Variants in CARD8 observed in about 807,000 individuals in gnomAD.
CARD8 encodes the protein caspase recruitment domain-containing protein 8.
CARD8 carries 38 observed loss-of-function variants against 53.2 expected under a neutral mutation model. The observed-to-expected ratio is 0.71, with a 90% confidence interval of 0.55 to 0.94. CARD8 has a LOEUF of 0.94. Ranked by LOEUF, CARD8 falls within the 40% of genes least tolerant of loss-of-function variation. The pLI is 0.00. For missense variants in CARD8, 561 were observed against 655.5 expected, an observed-to-expected ratio of 0.86 and a Z score of 1.57; for synonymous variants, 245 against 244.9, an observed-to-expected ratio of 1.00 and a Z score of 0.00.
chr19:48,226,236 T>C (rs570039072), intron 10 of CARD8, among the ~76,000 whole-genome samples: 1 of 152,164 alleles, frequency 6.6e-6, no homozygotes, highest in Non-Finnish European at 1.5e-5. Context: ...ATTTTATTTA[T>C]TGATTTATTT....
chr19:48,208,645 A>G lies in CARD8; in HGVS notation c.*3065T>C, dbSNP rs1968440. The G allele has an allele frequency of 0.81, 123,665 of 151,868 alleles. 51,359 individuals are homozygous for G. The highest frequency in any genetic ancestry group is 0.91 in the South Asian group (4,387 of 4,816). The allele number at this position is 151,868 out of a possible 1,614,324, so 9.4% of individuals were successfully genotyped here. A position where few individuals can be genotyped will look rare whatever the true frequency, so the allele number is the denominator to read the frequency against. ...CAAACACTGAATAACATGTACAGTG[A>G]AATTATCTGACAAAGACTTTAAAAG... On this transcript the variant is annotated 3_prime_UTR_variant, in exon 14 of 14. Transcript: ENST00000651546.
Position 48,232,512 on chromosome 19 carries a change from A to G in CARD8, c.351-19T>C, listed in dbSNP as rs772915116. On this transcript the variant is annotated intron_variant, in intron 6 of 13. Coordinates refer to ENST00000651546, the MANE Select transcript of CARD8 (RefSeq NM_001184900.3). ...TGATACACTGGAGGTTGGGATCCCC[A>G]TGTTACAAAAAGATGAAAAACATCA... 107 of 1,534,002 alleles carry G rather than the reference A, an allele frequency of 7.0e-5. No homozygotes were observed. Among genetic ancestry groups the G allele is most frequent in the Non-Finnish European group, 8.8e-5 (101 of 1,145,062 alleles).
At chr19:48,251,531 T>C (rs1468257524) in intron 1 of CARD8, among the ~76,000 whole-genome samples, 1 of 152,220 alleles carries the variant, frequency 6.6e-6, no homozygotes, top group Admixed American at 6.5e-5. Flanking sequence ...AATTTCACCA[T>C]TTCTGGTCCT....
intron 8 of CARD8, 106 bp downstream of exon 8, chr19:48,231,554 C>G: frequency 8.7e-7 from 1 of 1,146,456 alleles, no homozygotes; most frequent in Non-Finnish European, 1.2e-6. Context: ...CCGCCCTCCT[C>G]CACCTCCCAA....
At chr19:48,254,095 A>C (rs2047279746) in intron 1 of CARD8, among the ~76,000 whole-genome samples, 1 of 152,242 alleles carries the variant, frequency 6.6e-6, no homozygotes, top group African/African-American at 2.4e-5. Flanking sequence ...GAATATATGT[A>C]CAATGAGTTA....
Position 48,221,818 on chromosome 19 carries a change from C to T in CARD8, c.1073G>A (p.Arg358His), listed in dbSNP as rs1490315839. ...DDEEDRFHGV[R>H]LQTSPPMEPL... ...TTCCATTGGGGGCGAAGTCTGCAGG[C>T]GCACACCATGGAAGCGATCTTCCTC... Residue 358 changes from arginine (R) to histidine (H), a missense_variant, in exon 11 of 14, where the codon CGC becomes CAC. Coordinates refer to ENST00000651546, the MANE Select transcript of CARD8 (RefSeq NM_001184900.3). The T allele has an allele frequency of 2.5e-6, 4 of 1,609,446 alleles. No homozygotes were observed. The highest frequency in any genetic ancestry group is 3.4e-6 in the Non-Finnish European group (4 of 1,176,730).
chr19:48,225,351 T>C (rs1941304850), intron 10 of CARD8, among the ~76,000 whole-genome samples: 1 of 151,540 alleles, frequency 6.6e-6, no homozygotes, highest in African/African-American at 2.4e-5. Flanking sequence ...ATTAGTGGGG[T>C]GTGGTGGCGC....
In CARD8 at chr19:48,225,968, G is replaced by C. The variant is rs996717428; in HGVS notation, c.1036-4113C>G. On this transcript the variant is annotated intron_variant, in intron 10 of 13. Transcript: ENST00000651546. Reference sequence around the variant, plus strand: ...CTCAGGAGGCTGAGACAGGAGAATTGTTTGAACCTGGGAGACGGAGGTTGC... The same window carrying C: ...CTCAGGAGGCTGAGACAGGAGAATTCTTTGAACCTGGGAGACGGAGGTTGC... Among the ~76,000 whole-genome samples, 5 of 145,980 alleles carry C rather than the reference G, an allele frequency of 3.4e-5. No individual in the cohort carries two copies. The Admixed American group carries it at 3.5e-4, about 10-fold the overall frequency.
chr19:48,216,500 G>A (rs2039330467), intron 12 of CARD8, among the ~76,000 whole-genome samples: 1 of 152,210 alleles, frequency 6.6e-6, no homozygotes. Flanking sequence ...ATGTGGAGAT[G>A]AGGCCTGGGT....
downstream of CARD8, among the ~76,000 whole-genome samples, chr19:48,205,877 C>T (rs2037325767): frequency 6.6e-6 from 1 of 152,024 alleles, no homozygotes; most frequent in African/African-American, 2.4e-5. Flanking sequence ...GCCGTTTGAG[C>T]ATTGTGCAGT....
intron 6 of CARD8, 186 bp from the exon 7 acceptor site, chr19:48,232,679 A>G (rs1171882680): frequency 1.4e-6 from 1 of 691,006 alleles, no homozygotes; most frequent in Non-Finnish European, 2.6e-6. Flanking sequence ...TGCACTATCC[A>G]TATTTCAAGT....
chr19:48,238,584 G>A, intron 4 of CARD8, 52 bp from the exon 5 acceptor site: 1 of 1,504,094 alleles, frequency 6.6e-7, no homozygotes, highest in Non-Finnish European at 8.9e-7. Flanking sequence ...GGAGCTCGAT[G>A]GTGGGACAAT....
rs187675182 is a variant in CARD8, at chr19:48,231,525, G to A, written c.542+135C>T. 2.3e-4 allele frequency: 194 copies of A among 845,722 alleles called. No individual in the cohort carries two copies. The East Asian group carries it at 4.4e-3, about 19-fold the overall frequency. 52.4% of individuals were successfully genotyped at this position (845,722 alleles called of 1,614,324 possible). On this transcript the variant is annotated intron_variant, in intron 8 of 13. Transcript: ENST00000651546. ...TCGTCATGTTGGCCAGGCTGGTCTC[G>A]AACTCCTGACCTTGTGATCCGCCCT... is the stretch of plus-strand genomic sequence containing the variant.
At chr19:48,233,124 A>G (rs2043213633) in intron 6 of CARD8, 1 of 354,326 alleles carries the variant, frequency 2.8e-6, no homozygotes, top group Non-Finnish European at 5.5e-6. Flanking sequence ...CAATTGAATC[A>G]GAAGTCTGGA....
intron 13 of CARD8, among the ~76,000 whole-genome samples, chr19:48,214,071 G>A (rs2038646617): frequency 6.6e-6 from 1 of 152,154 alleles, no homozygotes; most frequent in Admixed American, 6.6e-5. Flanking sequence ...ATAATTTGCT[G>A]TTGTATGCTC....
At chr19:48,244,096 A>G (rs1600660499) in intron 3 of CARD8, among the ~76,000 whole-genome samples, 1 of 152,136 alleles carries the variant, frequency 6.6e-6, no homozygotes, top group East Asian at 1.9e-4. Flanking sequence ...ATTTATGTAA[A>G]TCCAGATATT....
At chr19:48,214,551 A>G (rs577490583) in intron 13 of CARD8, among the ~76,000 whole-genome samples, 1 of 152,034 alleles carries the variant, frequency 6.6e-6, no homozygotes, top group South Asian at 2.1e-4. Flanking sequence ...CAAGAAACAC[A>G]CTGCGCATGC....
chr19:48,228,185 C>T (rs1321465450), intron 10 of CARD8, among the ~76,000 whole-genome samples: 1 of 152,186 alleles, frequency 6.6e-6, no homozygotes, highest in Non-Finnish European at 1.5e-5. Flanking sequence ...CATCTAGCTG[C>T]AGAAAAAGAA....
At chr19:48,229,285 A>C (rs934465566) in intron 10 of CARD8, among the ~76,000 whole-genome samples, 1 of 152,200 alleles carries the variant, frequency 6.6e-6, no homozygotes. Flanking sequence ...TTTCTAGTAT[A>C]TCAATAAGGT....
Sources: gnomAD v4.1 joint callset for allele counts (sites outside exome capture counted in the v4.1 genomes callset) on GRCh38, gnomAD v4.1.1 for gene constraint, MANE v1.5 for transcripts, NCBI Gene and HGNC (gene_info 2026-07-23, HGNC 2026-07-21) for gene names.